SCARF2: variants seen among roughly 807,000 people sequenced by gnomAD.
SCARF2 encodes the protein scavenger receptor class F member 2.
SCARF2 carries 39 observed loss-of-function variants against 73.4 expected under a neutral mutation model. The observed-to-expected ratio is 0.53, with a 90% confidence interval of 0.41 to 0.69. The LOEUF is 0.69. Among genes scored for constraint, SCARF2 ranks in the 30% least tolerant of loss-of-function variants. SCARF2 has a pLI of 0.00. For missense variants in SCARF2, 1,148 were observed against 1,303.5 expected (o/e 0.88, Z 1.84); for synonymous variants, 605 against 590.0 (o/e 1.03, Z -0.37).
rs570859351 is a variant in SCARF2, at chr22:20,428,117, A to G, written c.1541-567T>C. Among the ~76,000 whole-genome samples, 101 of 152,210 alleles carry G rather than the reference A, an allele frequency of 6.6e-4. 1 individual carries two copies. The Middle Eastern group carries it at 0.014, about 21-fold the overall frequency. On this transcript the variant is annotated intron_variant, in intron 9 of 10. Coordinates refer to ENST00000622235, the MANE Select transcript of SCARF2 (RefSeq NM_182895.5). Reference sequence around the variant, plus strand: ...GATGTGGGGTCCACTCCCCACACCTATGTCCCCAGATGCCATGCTGCTAGG... The same window carrying G: ...GATGTGGGGTCCACTCCCCACACCTGTGTCCCCAGATGCCATGCTGCTAGG...
Position 20,430,512 on chromosome 22 carries a change from G to A in SCARF2, c.1119C>T (p.Ala373=), listed in dbSNP as rs760160579. 4.4e-6 allele frequency: 7 copies of A among 1,606,556 alleles called. No individual in the cohort carries two copies. The East Asian group carries it at 1.6e-4, about 36-fold the overall frequency. The part of the protein sequence containing the change: ...CSNGTYGEDC[A]FVCADCGSGH... ...CGCTGCCGCAGTCGGCGCACACGAA[G>A]GCGCAGTCCTCGCCGTAAGTGCCAT... Residue 373 remains alanine (A), a synonymous_variant, in exon 6 of 11, where the codon GCC becomes GCT. Coordinates refer to ENST00000622235, the MANE Select transcript of SCARF2 (RefSeq NM_182895.5).
In SCARF2 at chr22:20,429,679, G is replaced by A. The variant is rs1318367741; in HGVS notation, c.1307-26C>T. 4 of 1,613,868 alleles carry A rather than the reference G, an allele frequency of 2.5e-6. No individual in the cohort carries two copies. Among genetic ancestry groups the A allele is most frequent in the Non-Finnish European group, 2.5e-6 (3 of 1,179,940 alleles). ...CTGTAGGGGGTTATGGGGTCAGCGC[G>A]GTTTCTGGCACCCCCTGCATTCCTT... On this transcript the variant is annotated intron_variant, in intron 7 of 10. Coordinates refer to ENST00000622235, the MANE Select transcript of SCARF2 (RefSeq NM_182895.5). The surrounding 1 kb of genome is among the most constrained non-coding windows in gnomAD (Gnocchi z 5.2).
chr22:20,428,551 G>C (rs1253382109), intron 9 of SCARF2, among the ~76,000 whole-genome samples: 1 of 152,120 alleles, frequency 6.6e-6, no homozygotes, highest in Non-Finnish European at 1.5e-5. Flanking sequence ...TGATCCACCT[G>C]CCTCGGCCTC....
chr22:20,437,550 TCG>T (rs2052714502), intron 1 of SCARF2, 30 bp downstream of exon 1: 2 of 1,554,028 alleles, frequency 1.3e-6, no homozygotes, highest in Admixed American at 1.8e-5. Context: ...AGCGTCCCTC[TCG>T]CCCCCTCCCC....
At chr22:20,427,963 G>A (rs758435468) in intron 9 of SCARF2, among the ~76,000 whole-genome samples, 7 of 152,180 alleles carry the variant, frequency 4.6e-5, no homozygotes, top group Non-Finnish European at 1.0e-4. Context: ...GCCCAAATGC[G>A]CAGTGGCAGG....
rs372966913 is a variant in SCARF2, at chr22:20,431,698, C to T, written c.334+47G>A. The T allele has an allele frequency of 7.0e-6, 10 of 1,431,360 alleles. No individual in the cohort carries two copies. In the African/African-American group the frequency reaches 1.3e-4, roughly 18 times the overall value. The allele number at this position is 1,431,360 out of a possible 1,614,324, so 88.7% of individuals were successfully genotyped here. On this transcript the variant is annotated intron_variant, in intron 3 of 10. Coordinates refer to ENST00000622235, the MANE Select transcript of SCARF2 (RefSeq NM_182895.5). ...CCACCTTGGACCCCGCCCCATCTCT[C>T]CAGGATTCCGCCCCACCGACCAATA...
rs924791006 is a variant in SCARF2, at chr22:20,426,349, G to A, written c.1694-67C>T. Reference sequence around the variant, plus strand: ...CCTTTAGGGGCTCCAACCTCCAGGCGCAAACCTTCACCTTTCCTCCTCTAC... The same window carrying A: ...CCTTTAGGGGCTCCAACCTCCAGGCACAAACCTTCACCTTTCCTCCTCTAC... On this transcript the variant is annotated intron_variant, in intron 10 of 10. Transcript: ENST00000622235. 5 of 1,502,048 alleles carry A rather than the reference G, an allele frequency of 3.3e-6. No individual in the cohort carries two copies. In the Admixed American group the frequency reaches 6.1e-5, roughly 18 times the overall value. 93.0% of individuals were successfully genotyped at this position (1,502,048 alleles called of 1,614,324 possible). A position where few individuals can be genotyped will look rare whatever the true frequency, so the allele number is the denominator to read the frequency against.
In SCARF2 at chr22:20,425,128, C is replaced by T. The variant is rs1193550828; in HGVS notation, c.*247G>A. 2.0e-5 allele frequency: 8 copies of T among 391,244 alleles called. No individual in the cohort carries two copies. The highest frequency in any genetic ancestry group is 3.2e-5 in the Non-Finnish European group (7 of 222,030). 24.2% of individuals were successfully genotyped at this position (391,244 alleles called of 1,614,324 possible). On this transcript the variant is annotated 3_prime_UTR_variant, in exon 11 of 11. Transcript: ENST00000622235. This position sits in a 1 kb window ranked among gnomAD's most constrained non-coding sequence, Gnocchi z 4.6. The stretch of plus-strand genomic sequence containing the variant: ...CTGGTCGGAGCGCTCCATAACTCGG[C>T]CAATGGGGAGGGAGTCGCCCGCTAA...
chr22:20,437,516 C>T, intron 1 of SCARF2, 66 bp downstream of exon 1: 2 of 1,494,104 alleles, frequency 1.3e-6, no homozygotes, highest in Admixed American at 2.0e-5. Context: ...TCCCAATGCC[C>T]GGCGCCGCCA....
intron 10 of SCARF2, among the ~76,000 whole-genome samples, 183 bp downstream of exon 10, chr22:20,427,215 C>A (rs540415124): frequency 7.0e-6 from 1 of 142,160 alleles, no homozygotes; most frequent in Non-Finnish European, 1.5e-5. Context: ...CACCTGTCTC[C>A]GGTACTGAGC....
rs771271860 is a variant in SCARF2 at position 20,425,941 on chromosome 22, G to A, written c.2035C>T (p.Arg679Cys). The change falls in exon 11 of 11, where the codon CGT becomes TGT. Residue 679 changes from arginine to cysteine, a missense_variant. This residue lies in a region of SCARF2 where 437 missense variants were observed against 433.6 expected (regional missense o/e 1.01). Transcript: ENST00000622235. The surrounding 1 kb of genome is among the most constrained non-coding windows in gnomAD (Gnocchi z 4.6). ...CCTGGCGGCGGTGGTGAGGGCGCAC[G>A]GCCAGCTGCAGCGGCGCTGTGCTTG... ...HGKHSAAAAG[R>C]APSPPPPGSE... 6.9e-5 allele frequency: 110 copies of A among 1,594,922 alleles called. No homozygotes were observed. The highest frequency in any genetic ancestry group is 9.1e-5 in the Non-Finnish European group (107 of 1,174,694).
Position 20,431,465 on chromosome 22 carries a change from TC to T in SCARF2, c.406del (p.Asp136ThrfsTer2). 6.4e-7 allele frequency: 1 copy of T among 1,565,552 alleles called. No homozygotes were observed. Among genetic ancestry groups the T allele is most frequent in the Non-Finnish European group, 8.6e-7 (1 of 1,164,250 alleles). ...GTGACAAGTACACTGGCCTGTCACG[TC>T]CTCGCACTGCCCGTGTGGGTGGCAG... ...CSCHPHGQCE[D>X]VTGQCTCHAR... On this transcript the variant is annotated frameshift_variant, in exon 4 of 11. Coordinates refer to ENST00000622235, the MANE Select transcript of SCARF2 (RefSeq NM_182895.5). LOFTEE classifies it high-confidence loss of function.
chr22:20,425,398 TG>T lies in SCARF2; in HGVS notation c.2577del (p.Arg860GlyfsTer79). 1 of 1,429,450 alleles carries T rather than the reference TG, an allele frequency of 7.0e-7. No individual in the cohort carries two copies. Among genetic ancestry groups the T allele is most frequent in the Non-Finnish European group, 9.2e-7 (1 of 1,088,882 alleles). The allele number at this position is 1,429,450 out of a possible 1,614,324, so 88.5% of individuals were successfully genotyped here. On this transcript the variant is annotated frameshift_variant, in exon 11 of 11. Transcript: ENST00000622235. LOFTEE classifies it high-confidence loss of function. This position sits in a 1 kb window ranked among gnomAD's most constrained non-coding sequence, Gnocchi z 4.6. ...KKSREAAGELGRAGAPTL is the reference protein window; with the variant it reads ...KKSREAAGELXRAGAPTL ...TGCTACAGGGTGGGTGCGCCCGCCC[TG>T]CCCAGCTCGCCCGCCGCCTCCCGGC...
chr22:20,425,342 T>C lies in SCARF2; in HGVS notation c.*33A>G, dbSNP rs2052559267. The C allele has an allele frequency of 7.4e-7, 1 of 1,359,120 alleles. No individual in the cohort carries two copies. The highest frequency in any genetic ancestry group is 9.5e-7 in the Non-Finnish European group (1 of 1,049,516). The allele number at this position is 1,359,120 out of a possible 1,614,324, so 84.2% of individuals were successfully genotyped here. A position where few individuals can be genotyped will look rare whatever the true frequency, so the allele number is the denominator to read the frequency against. ...GGGGTGGCGGGCGGCGCTGCGAAGC[T>C]GAGGGAGCTGCGCGCGGACGAGCCA... On this transcript the variant is annotated 3_prime_UTR_variant, in exon 11 of 11. Coordinates refer to ENST00000622235, the MANE Select transcript of SCARF2 (RefSeq NM_182895.5). This position sits in a 1 kb window ranked among gnomAD's most constrained non-coding sequence, Gnocchi z 4.6.
chr22:20,427,324 C>T (rs2052589819), intron 10 of SCARF2, 74 bp downstream of exon 10: 3 of 1,564,846 alleles, frequency 1.9e-6, no homozygotes, highest in Non-Finnish European at 2.6e-6. Context: ...TCTCCTGTGT[C>T]CCACCCAGAA....
chr22:20,437,650 C>T lies in SCARF2; in HGVS notation c.105G>A (p.Trp35Ter). Residue 35 changes from tryptophan (W) to a stop codon, truncating the protein, a stop_gained, in exon 1 of 11, where the codon TGG becomes TGA. Coordinates refer to ENST00000622235, the MANE Select transcript of SCARF2 (RefSeq NM_182895.5). LOFTEE classifies it high-confidence loss of function. ...LPSLLLLLLL[W>*]MLPDTVAPQE... ...GAGGCGCCACGGTGTCCGGCAGCATCCAGAGCAGCAGCAGCAGCAGCAGCG... is the reference window on the plus strand; with the variant it reads ...GAGGCGCCACGGTGTCCGGCAGCATTCAGAGCAGCAGCAGCAGCAGCAGCG... The T allele has an allele frequency of 6.5e-7, 1 of 1,548,822 alleles. No individual in the cohort carries two copies. Among genetic ancestry groups the T allele is most frequent in the African/African-American group, 1.4e-5 (1 of 72,368 alleles).
At position 20,429,344 on chromosome 22, in the gene SCARF2, C is replaced by T. The variant is rs770695147; in HGVS notation, c.1425-4G>A. On this transcript the variant is annotated splice_polypyrimidine_tract_variant and splice_region_variant and intron_variant, in intron 8 of 10. Transcript: ENST00000622235. The surrounding 1 kb of genome is among the most constrained non-coding windows in gnomAD (Gnocchi z 5.2). ...CTTCCTCCCAAGCGAAAGCTCCCTG[C>T]GGGGGCGGGGTCTGAGCGGAGGGGC... is the stretch of plus-strand genomic sequence containing the variant. 1 of 704,796 alleles carries T rather than the reference C, an allele frequency of 1.4e-6. No homozygotes were observed. The highest frequency in any genetic ancestry group is 2.2e-6 in the Non-Finnish European group (1 of 450,546). The allele number at this position is 704,796 out of a possible 1,614,324, so 43.7% of individuals were successfully genotyped here. A position where few individuals can be genotyped will look rare whatever the true frequency, so the allele number is the denominator to read the frequency against.
chr22:20,427,224 G>C (rs1445563719), intron 10 of SCARF2, among the ~76,000 whole-genome samples, 174 bp downstream of exon 10: 1 of 152,206 alleles, frequency 6.6e-6, no homozygotes, highest in African/African-American at 2.4e-5. Flanking sequence ...CCGGTACTGA[G>C]CAGCAGAGTC....
In SCARF2 at chr22:20,429,538, G is replaced by A. The variant is rs1007785831; in HGVS notation, c.1422C>T (p.Arg474=). 14 of 1,612,492 alleles carry A rather than the reference G, an allele frequency of 8.7e-6. No individual in the cohort carries two copies. The highest frequency in any genetic ancestry group is 2.2e-5 in the East Asian group (1 of 44,888). ...CCACRGKDPT[R]RELSLGRKKA... is the part of the protein sequence containing the mutation. The stretch of plus-strand genomic sequence containing the variant: ...AGCGGGGCAGTATCTGGGCTCACCG[G>A]CGCGTAGGGTCCTTGCCGCGGCAAG... The change falls in exon 8 of 11, where the codon CGC becomes CGT. Residue 474 remains arginine, a splice_region_variant and synonymous_variant. Coordinates refer to ENST00000622235, the MANE Select transcript of SCARF2 (RefSeq NM_182895.5). The surrounding 1 kb of genome is among the most constrained non-coding windows in gnomAD (Gnocchi z 5.2).
Sources: allele counts gnomAD v4.1 joint callset (sites outside exome capture counted in the v4.1 genomes callset), GRCh38; gene constraint gnomAD v4.1.1; regional missense constraint gnomAD v4.1.1; non-coding constraint Gnocchi (gnomAD v3.1); transcripts MANE v1.5; gene names NCBI Gene and HGNC (gene_info 2026-07-23, HGNC 2026-07-21).